Variants in DRC11L observed in about 807,000 individuals in gnomAD.
DRC11L encodes dynein regulatory complex subunit like-11.
At chr7:151,200,293 TG>T in the DRC11L span, 1 of 399,024 alleles carries the variant, frequency 2.5e-6, no homozygotes, top group African/African-American at 2.1e-5. Flanking sequence ...GTGGGCACTG[TG>T]GGGCTGGAAG....
chr7:151,198,729 G>A, the DRC11L span: 2 of 398,654 alleles, frequency 5.0e-6, no homozygotes, highest in African/African-American at 2.1e-5. Flanking sequence ...GATGGGGCAG[G>A]AGCAGCCCTG....
chr7:151,198,641 G>C, the DRC11L span, among the ~76,000 whole-genome samples: 6 of 152,020 alleles, frequency 3.9e-5, no homozygotes, highest in African/African-American at 1.4e-4. Flanking sequence ...GAAACCAAGA[G>C]GGTCAGCAGT....
chr7:151,205,267 G>C, the DRC11L span, among the ~76,000 whole-genome samples: 8 of 152,134 alleles, frequency 5.3e-5, no homozygotes, highest in African/African-American at 1.7e-4. Flanking sequence ...GCAGAGCCCT[G>C]GTTCTGGAAT....
chr7:151,197,453 G>A, the DRC11L span: 3 of 397,756 alleles, frequency 7.5e-6, no homozygotes, highest in Admixed American at 4.4e-5. Flanking sequence ...GTGAACCAAC[G>A]ATTCCCTAGG....
chr7:151,192,866 G>A, the DRC11L span: 1 of 398,898 alleles, frequency 2.5e-6, no homozygotes, highest in African/African-American at 2.1e-5. Context: ...GATGTTAGAT[G>A]TCTCTGGAGA....
the DRC11L span, chr7:151,195,918 G>T: frequency 3.1e-6 from 1 of 326,822 alleles, no homozygotes; most frequent in African/African-American, 2.1e-5. Context: ...CCTTCAACAT[G>T]CGGAGAAGCC....
the DRC11L span, chr7:151,196,967 C>T: frequency 2.5e-6 from 1 of 399,234 alleles, no homozygotes; most frequent in East Asian, 3.6e-5. Flanking sequence ...CCAGCCATCT[C>T]CCCTCTTACT....
At chr7:151,192,938 T>A in the DRC11L span, 8 of 398,296 alleles carry the variant, frequency 2.0e-5, no homozygotes, top group Non-Finnish European at 3.5e-5. Flanking sequence ...GGGGCTGACC[T>A]TGGAGCCCCG....
the DRC11L span, chr7:151,191,229 G>T: frequency 2.5e-6 from 1 of 397,462 alleles, no homozygotes; most frequent in Non-Finnish European, 4.4e-6. Context: ...GGTTTCCCTT[G>T]CTCCCCACCA....
At chr7:151,203,005 C>G in the DRC11L span, 1 of 399,858 alleles carries the variant, frequency 2.5e-6, no homozygotes, top group East Asian at 3.6e-5. Flanking sequence ...TCGAATCTCT[C>G]GCATGAAGGT....
chr7:151,203,826 A>G, the DRC11L span, among the ~76,000 whole-genome samples: 1 of 152,154 alleles, frequency 6.6e-6, no homozygotes. Context: ...AGACTACTAC[A>G]TCAGAATGAC....
the DRC11L span, chr7:151,195,559 C>T: frequency 5.0e-6 from 2 of 399,908 alleles, no homozygotes; most frequent in Non-Finnish European, 8.8e-6. Flanking sequence ...TGCCCAGCCC[C>T]AGCCCCTCAT....
chr7:151,199,424 C>T, the DRC11L span, among the ~76,000 whole-genome samples: 1 of 152,200 alleles, frequency 6.6e-6, no homozygotes, highest in Non-Finnish European at 1.5e-5. This position sits in a 1 kb window ranked among gnomAD's most constrained non-coding sequence, Gnocchi z 5.2. Context: ...TTACTGAAAA[C>T]GCTGAGCTCA....
chr7:151,194,504 G>A, the DRC11L span: 1 of 399,052 alleles, frequency 2.5e-6, no homozygotes, highest in South Asian at 1.3e-4. Context: ...GGCATTCTGG[G>A]AGGGGTCTCA....
chr7:151,202,997 G>A, the DRC11L span: 4 of 399,650 alleles, frequency 1.0e-5, no homozygotes, highest in South Asian at 1.3e-4. Context: ...TCATCTCTTC[G>A]AATCTCTCGC....
chr7:151,203,677 C>T, the DRC11L span, among the ~76,000 whole-genome samples: 1 of 152,182 alleles, frequency 6.6e-6, no homozygotes, highest in Non-Finnish European at 1.5e-5. Context: ...CCCCAAGAGC[C>T]ACTCCTCTCT....
the DRC11L span, among the ~76,000 whole-genome samples, chr7:151,193,002 C>T: frequency 6.6e-6 from 1 of 152,236 alleles, no homozygotes; most frequent in Non-Finnish European, 1.5e-5. Context: ...CTGCACATAT[C>T]TCACACCTCA....
At chr7:151,194,232 C>T in the DRC11L span, 9 of 398,828 alleles carry the variant, frequency 2.3e-5, no homozygotes, top group Non-Finnish European at 3.5e-5. Flanking sequence ...AGAGCTGGCT[C>T]CTCACACCCC....
At chr7:151,196,674 G>A in the DRC11L span, 1 of 398,516 alleles carries the variant, frequency 2.5e-6, no homozygotes, top group Non-Finnish European at 4.4e-6. Context: ...TGTGCACACA[G>A]GTCAGGAGCC....
Sources: allele counts gnomAD v4.1 joint callset (sites outside exome capture counted in the v4.1 genomes callset), GRCh38; gene constraint gnomAD v4.1.1; non-coding constraint Gnocchi (gnomAD v3.1); transcripts MANE v1.5; gene names NCBI Gene and HGNC (gene_info 2026-07-23, HGNC 2026-07-21).